PTCHD1: variants seen among roughly 807,000 people sequenced by gnomAD.
PTCHD1 encodes the protein patched domain containing 1.
In PTCHD1, 3 loss-of-function variants were observed where a neutral mutation model predicts 34.6. That is an observed-to-expected ratio of 0.09 (90% confidence interval 0.04 to 0.22). PTCHD1 has a LOEUF of 0.22. Ranked by LOEUF, PTCHD1 falls within the 10% of genes least tolerant of loss-of-function variation. PTCHD1 has a pLI of 1.00. For synonymous variants in PTCHD1, 305 were observed against 283.1 expected, an observed-to-expected ratio of 1.08 and a Z score of -0.77; for missense variants, 504 against 685.5, an observed-to-expected ratio of 0.74 and a Z score of 2.96.
chrX:23,341,694 C>A (rs1036473993), intron 1 of PTCHD1, among the ~76,000 whole-genome samples: 7 of 110,976 alleles, frequency 6.3e-5, no homozygotes, highest in African/African-American at 2.0e-4. Flanking sequence ...TAATCGCTAA[C>A]CTTTAAAAGA....
In PTCHD1 at chrX:23,399,509, C is replaced by T. The variant is rs1247091296; in HGVS notation, c.*5324C>T. 2 of 111,825 alleles carry T rather than the reference C, an allele frequency of 1.8e-5. No individual in the cohort carries two copies. Among genetic ancestry groups the T allele is most frequent in the East Asian group, 2.8e-4 (1 of 3,567 alleles). The allele number at this position is 111,825 out of a possible 1,213,427, so 9.2% of individuals were successfully genotyped here. Reference sequence around the variant, plus strand: ...GAAGAACCACTGTCCTAAATTAATACAGACCTCATTGGGAGTGTGATCCTG... The same window carrying T: ...GAAGAACCACTGTCCTAAATTAATATAGACCTCATTGGGAGTGTGATCCTG... On this transcript the variant is annotated 3_prime_UTR_variant, in exon 3 of 3. Coordinates refer to ENST00000379361, the MANE Select transcript of PTCHD1 (RefSeq NM_173495.3).
intron 2 of PTCHD1, among the ~76,000 whole-genome samples, chrX:23,386,057 A>T (rs1773115611): frequency 9.0e-6 from 1 of 111,158 alleles, no homozygotes; most frequent in Non-Finnish European, 1.9e-5. Context: ...AACATTTTGT[A>T]TGTAAATATA....
rs962807483 is a variant in PTCHD1, at chrX:23,397,168, G to A, written c.*2983G>A. The A allele has an allele frequency of 9.0e-6, 1 of 111,683 alleles. No homozygotes were observed. The highest frequency in any genetic ancestry group is 1.9e-5 in the Non-Finnish European group (1 of 53,146). 9.2% of individuals were successfully genotyped at this position (111,683 alleles called of 1,213,427 possible). A position where few individuals can be genotyped will look rare whatever the true frequency, so the allele number is the denominator to read the frequency against. Reference sequence around the variant, plus strand: ...AAATATTCGATTCATCAAAAATATTGCTCCTGGTCAACTAAAAAACTGTGA... The same window carrying A: ...AAATATTCGATTCATCAAAAATATTACTCCTGGTCAACTAAAAAACTGTGA... On this transcript the variant is annotated 3_prime_UTR_variant, in exon 3 of 3. Coordinates refer to ENST00000379361, the MANE Select transcript of PTCHD1 (RefSeq NM_173495.3).
chrX:23,339,976 C>A (rs933831548), intron 1 of PTCHD1, among the ~76,000 whole-genome samples: 1 of 111,595 alleles, frequency 9.0e-6, no homozygotes, highest in African/African-American at 3.3e-5. Context: ...ACTGTGCACC[C>A]ACCCAGGGGA....
chrX:23,378,237 T>C (rs988001672), intron 1 of PTCHD1, among the ~76,000 whole-genome samples: 2 of 111,683 alleles, frequency 1.8e-5, no homozygotes, highest in Non-Finnish European at 3.8e-5. Context: ...TAACATGATA[T>C]GCCATTTTCA....
At chrX:23,361,278 G>T (rs1921975123) in intron 1 of PTCHD1, among the ~76,000 whole-genome samples, 2 of 111,539 alleles carry the variant, frequency 1.8e-5, no homozygotes, top group African/African-American at 6.5e-5. Context: ...TACTGTGTGG[G>T]AGTCTAAGTC....
At chrX:23,341,232 T>A (rs1038569080) in intron 1 of PTCHD1, among the ~76,000 whole-genome samples, 2 of 111,720 alleles carry the variant, frequency 1.8e-5, no homozygotes, top group African/African-American at 6.5e-5. Context: ...ATATTAGAGT[T>A]AGGAAAGGAT....
intron 1 of PTCHD1, among the ~76,000 whole-genome samples, chrX:23,377,810 A>C (rs1922451916): frequency 9.0e-6 from 1 of 111,491 alleles, no homozygotes; most frequent in African/African-American, 3.3e-5. Flanking sequence ...ATTGTTTTAA[A>C]AGCATAATAT....
chrX:23,372,773 CCT>C (rs1922313445), intron 1 of PTCHD1, among the ~76,000 whole-genome samples: 1 of 111,906 alleles, frequency 8.9e-6, no homozygotes, highest in South Asian at 3.8e-4. Context: ...AGCATCGGGT[CCT>C]CTTAGAGCTA....
At chrX:23,350,783 A>T (rs1324467587) in intron 1 of PTCHD1, among the ~76,000 whole-genome samples, 1 of 110,950 alleles carries the variant, frequency 9.0e-6, no homozygotes, top group Non-Finnish European at 1.9e-5. Context: ...AAGTCAGAAG[A>T]ACACTGAGAA....
chrX:23,362,257 T>C, intron 1 of PTCHD1, among the ~76,000 whole-genome samples: 1 of 112,438 alleles, frequency 8.9e-6, no homozygotes, highest in African/African-American at 3.2e-5. Flanking sequence ...TCCAACTTGG[T>C]TCCATTCTCC....
chrX:23,334,921 C>G lies in PTCHD1; in HGVS notation c.46C>G (p.Arg16Gly). The G allele has an allele frequency of 8.3e-7, 1 of 1,201,504 alleles. No homozygotes were observed. Among genetic ancestry groups the G allele is most frequent in the African/African-American group, 1.7e-5 (1 of 57,498 alleles). Residue 16 changes from arginine to glycine, a missense_variant, in exon 1 of 3, where the codon CGG becomes GGG. Coordinates refer to ENST00000379361, the MANE Select transcript of PTCHD1 (RefSeq NM_173495.3). ...CAGGGGCTTGAGGACGTGTTTCTCC[C>G]GGCTCGGCCACTTCATTGCCAGTCA... ...LHRGLRTCFS[R>G]LGHFIASHPV...
chrX:23,374,280 C>CAAA (rs752214252), intron 1 of PTCHD1, among the ~76,000 whole-genome samples: 36 of 24,532 alleles, frequency 1.5e-3, no homozygotes, highest in Middle Eastern at 0.05. Context: ...GAAACAAATA[C>CAAA]AAAAAAAAAA....
At chrX:23,353,482 G>A (rs904894600) in intron 1 of PTCHD1, among the ~76,000 whole-genome samples, 23 of 112,724 alleles carry the variant, frequency 2.0e-4, no homozygotes, top group Admixed American at 1.8e-3. Context: ...CCAGCTACGC[G>A]GGAGGCTGAG....
chrX:23,364,451 T>C (rs944686449), intron 1 of PTCHD1, among the ~76,000 whole-genome samples: 6 of 106,951 alleles, frequency 5.6e-5, no homozygotes, highest in African/African-American at 2.1e-4. Flanking sequence ...GTGGAAGAGT[T>C]AGACTACCAT....
chrX:23,342,952 A>G (rs1054268219), intron 1 of PTCHD1, among the ~76,000 whole-genome samples: 4 of 112,048 alleles, frequency 3.6e-5, no homozygotes, highest in Non-Finnish European at 7.5e-5. Context: ...TTGTCATGTG[A>G]TCGTTTCTCT....
At chrX:23,369,651 C>T (rs2146633830) in intron 1 of PTCHD1, among the ~76,000 whole-genome samples, 1 of 112,007 alleles carries the variant, frequency 8.9e-6, no homozygotes, top group African/African-American at 3.2e-5. Context: ...ATGTCCGGCA[C>T]TTAGCAAGCA....
At chrX:23,341,219 GC>G (rs749697634) in intron 1 of PTCHD1, among the ~76,000 whole-genome samples, 1 of 111,715 alleles carries the variant, frequency 9.0e-6, no homozygotes, top group East Asian at 2.8e-4. Flanking sequence ...CTTGATAGAT[GC>G]CATATTAGAG....
At chrX:23,363,487 C>T in intron 1 of PTCHD1, among the ~76,000 whole-genome samples, 1 of 113,002 alleles carries the variant, frequency 8.8e-6, no homozygotes, top group Non-Finnish European at 1.9e-5. Context: ...TCCTGGTGTG[C>T]CATTTGCTAC....
Sources: gnomAD v4.1 joint callset for allele counts (sites outside exome capture counted in the v4.1 genomes callset) on GRCh38, gnomAD v4.1.1 for gene constraint, MANE v1.5 for transcripts, NCBI Gene and HGNC (gene_info 2026-07-23, HGNC 2026-07-21) for gene names.